Variants in BMPER observed in about 807,000 individuals in gnomAD.
The protein encoded by BMPER is BMP binding endothelial regulator, also known as BMP-binding endothelial regulator protein.
A neutral mutation model predicts 87.3 loss-of-function variants in BMPER; 45 were observed. That is an observed-to-expected ratio of 0.52 (90% CI 0.41 to 0.66). The LOEUF (loss-of-function observed/expected upper bound fraction) is 0.66. Ranked by LOEUF, BMPER falls within the 30% of genes least tolerant of loss-of-function variation. The pLI, the probability that BMPER is intolerant of heterozygous loss-of-function variation, is 0.00. For synonymous variants in BMPER, 326 were observed against 316.2 expected (o/e 1.03, Z -0.33); for missense variants, 784 against 867.5 (o/e 0.90, Z 1.21).
At chr7:33,927,312 G>T (rs948074269) in intron 2 of BMPER, among the ~76,000 whole-genome samples, 1 of 152,194 alleles carries the variant, frequency 6.6e-6, no homozygotes, top group African/African-American at 2.4e-5. Context: ...GACCTGGTGG[G>T]TTCACTGTAG....
At chr7:34,046,764 A>G (rs935450251) in intron 7 of BMPER, among the ~76,000 whole-genome samples, 1 of 152,226 alleles carries the variant, frequency 6.6e-6, no homozygotes, top group East Asian at 1.9e-4. Flanking sequence ...ATAGAGGAAT[A>G]TAGACTAGTG....
chr7:34,023,334 G>A (rs151084590), intron 6 of BMPER, among the ~76,000 whole-genome samples: 79 of 152,156 alleles, frequency 5.2e-4, no homozygotes, highest in Middle Eastern at 6.8e-3. Context: ...ATGGCACTAG[G>A]GTGACAAAGA....
chr7:33,974,960 A>G (rs1422558396), intron 6 of BMPER, among the ~76,000 whole-genome samples, 176 bp downstream of exon 6: 2 of 152,172 alleles, frequency 1.3e-5, no homozygotes, highest in Non-Finnish European at 2.9e-5. Flanking sequence ...CACTACTGAC[A>G]TTCTGGGCTG....
chr7:34,090,011 T>G (rs1789335726), intron 13 of BMPER, among the ~76,000 whole-genome samples: 2 of 152,214 alleles, frequency 1.3e-5, no homozygotes, highest in African/African-American at 4.8e-5. Flanking sequence ...GCATAAAAAT[T>G]TGATATATAA....
rs777655141 is a variant in BMPER at position 33,905,681 on chromosome 7, G to A, written c.68G>A (p.Cys23Tyr). ...RYCRRSPGITCCVLLLLNCSG... is the reference protein window; with the variant it reads ...RYCRRSPGITYCVLLLLNCSG... ...TGCCGCCGCTCGCCTGGGATTACGT[G>A]CTGCGTCTTGCTGCTACTCAATTGC... Residue 23 changes from cysteine (C) to tyrosine (Y), a missense_variant, in exon 1 of 15, where the codon TGC becomes TAC. Physicochemically the swap from Cys to Tyr is radical, Grantham distance 194. Coordinates refer to ENST00000649409, the MANE Select transcript of BMPER (RefSeq NM_001365308.1). 11 of 1,613,432 alleles carry A rather than the reference G, an allele frequency of 6.8e-6. No homozygotes were observed. The highest frequency in any genetic ancestry group is 9.3e-6 in the Non-Finnish European group (11 of 1,179,940).
chr7:33,920,351 G>A (rs757043543), intron 2 of BMPER, among the ~76,000 whole-genome samples: 3 of 150,736 alleles, frequency 2.0e-5, no homozygotes, highest in Non-Finnish European at 4.4e-5. Flanking sequence ...GATTTCCTGT[G>A]TCCTGGTCCA....
chr7:34,126,410 C>T (rs1007379119), intron 13 of BMPER, among the ~76,000 whole-genome samples: 1 of 152,120 alleles, frequency 6.6e-6, no homozygotes, highest in African/African-American at 2.4e-5. Context: ...TTTTTGGAAA[C>T]TTTTGATTAA....
intron 6 of BMPER, among the ~76,000 whole-genome samples, chr7:34,041,025 TAGA>T (rs1433380608): frequency 1.3e-5 from 2 of 152,184 alleles, no homozygotes; most frequent in African/African-American, 2.4e-5. Flanking sequence ...AAGAGACGTC[TAGA>T]AGGAGAGAAA....
At chr7:33,943,293 G>A (rs1255728981) in intron 3 of BMPER, among the ~76,000 whole-genome samples, 1 of 151,852 alleles carries the variant, frequency 6.6e-6, no homozygotes, top group Admixed American at 6.6e-5. Context: ...ATGGTCTTTT[G>A]CAGTTTGCTT....
At chr7:33,967,067 A>C (rs1300720359) in intron 4 of BMPER, among the ~76,000 whole-genome samples, 1 of 152,232 alleles carries the variant, frequency 6.6e-6, no homozygotes, top group East Asian at 1.9e-4. Context: ...TAGGGAGTCC[A>C]CTGTGGTTGA....
chr7:34,091,316 C>T (rs755778673), intron 13 of BMPER, among the ~76,000 whole-genome samples: 1 of 152,212 alleles, frequency 6.6e-6, no homozygotes, highest in Non-Finnish European at 1.5e-5. Flanking sequence ...TCAATTTCCC[C>T]TACTTCAAAG....
At chr7:34,148,327 C>T (rs769883753) in intron 14 of BMPER, among the ~76,000 whole-genome samples, 59 of 152,318 alleles carry the variant, frequency 3.9e-4, no homozygotes, top group Admixed American at 9.8e-4. Context: ...CAGTGTTGAA[C>T]TAATGTCTTT....
intron 6 of BMPER, among the ~76,000 whole-genome samples, chr7:34,036,290 A>T (rs1787664859): frequency 6.6e-6 from 1 of 152,134 alleles, no homozygotes; most frequent in Admixed American, 6.5e-5. Flanking sequence ...TCTTCCTTTC[A>T]CTTTTTTTTG....
At chr7:34,029,774 T>C (rs538836887) in intron 6 of BMPER, among the ~76,000 whole-genome samples, 1 of 152,200 alleles carries the variant, frequency 6.6e-6, no homozygotes, top group South Asian at 2.1e-4. Context: ...GGCTGAAATA[T>C]TCCTCAGGAT....
intron 10 of BMPER, 131 bp downstream of exon 10, chr7:34,058,294 T>C (rs1175410766): frequency 3.5e-6 from 3 of 846,282 alleles, no homozygotes; most frequent in Non-Finnish European, 5.9e-6. Flanking sequence ...ACTAGTCAAA[T>C]GCCTCTTGCA....
At chr7:33,945,777 G>A (rs1784879929) in intron 3 of BMPER, among the ~76,000 whole-genome samples, 1 of 152,120 alleles carries the variant, frequency 6.6e-6, no homozygotes, top group Admixed American at 6.5e-5. Context: ...TCACCACTAA[G>A]TCTTCACAAC....
At chr7:33,976,599 G>C (rs1188012768) in intron 6 of BMPER, among the ~76,000 whole-genome samples, 2 of 152,012 alleles carry the variant, frequency 1.3e-5, no homozygotes, top group Non-Finnish European at 2.9e-5. Context: ...TTTGGGAGTA[G>C]ACTGAGGAAA....
At chr7:33,948,901 T>A (rs781489522) in intron 3 of BMPER, among the ~76,000 whole-genome samples, 2 of 151,864 alleles carry the variant, frequency 1.3e-5, no homozygotes, top group Non-Finnish European at 2.9e-5. Flanking sequence ...AGAGATGAGT[T>A]GTGATGGCTC....
chr7:33,968,485 G>T (rs900620974), intron 4 of BMPER, among the ~76,000 whole-genome samples: 2 of 152,136 alleles, frequency 1.3e-5, no homozygotes, highest in Non-Finnish European at 2.9e-5. Flanking sequence ...TCTTTTCTCA[G>T]GGCACAAAAT....
Sources: gnomAD v4.1 joint callset for allele counts (sites outside exome capture counted in the v4.1 genomes callset) on GRCh38, gnomAD v4.1.1 for gene constraint, MANE v1.5 for transcripts, NCBI Gene and HGNC (gene_info 2026-07-23, HGNC 2026-07-21) for gene names.